The following ACTR3C variants were observed in gnomAD, a reference collection of about 807,000 sequenced individuals.
ACTR3C encodes the protein actin-related protein 3C.
In ACTR3C, 18 loss-of-function variants were observed where a neutral mutation model predicts 26.3. The observed-to-expected ratio is 0.68, with a 90% CI of 0.47 to 1.01. ACTR3C has a LOEUF of 1.01. Among genes scored for constraint, ACTR3C ranks in the 50% least tolerant of loss-of-function variants. The pLI, the probability that ACTR3C is intolerant of heterozygous loss-of-function variation, is 0.00. For synonymous variants in ACTR3C, 55 were observed against 94.5 expected, an observed-to-expected ratio of 0.58 and a Z score of 2.42; for missense variants, 184 against 250.7, an observed-to-expected ratio of 0.73 and a Z score of 1.80.
At chr7:149,921,826 G>A in the ACTR3C span, among the ~76,000 whole-genome samples, 3 of 151,920 alleles carry the variant, frequency 2.0e-5, no homozygotes, top group Non-Finnish European at 4.4e-5. Context: ...GCAGTAAGCC[G>A]AGATCAAGCC....
the ACTR3C span, among the ~76,000 whole-genome samples, chr7:149,904,454 C>A: frequency 6.6e-6 from 1 of 150,712 alleles, no homozygotes; most frequent in Non-Finnish European, 1.5e-5. Flanking sequence ...TCGCTTGAAC[C>A]CGGGAGGCAG....
chr7:149,987,194 G>GAA, the ACTR3C span, among the ~76,000 whole-genome samples: 205 of 150,508 alleles, frequency 1.4e-3, no homozygotes, highest in African/African-American at 4.1e-3. Context: ...CCTACCAGAG[G>GAA]AAAAAAAAAT....
chr7:150,160,432 A>C, the ACTR3C span, among the ~76,000 whole-genome samples: 2 of 152,136 alleles, frequency 1.3e-5, no homozygotes, highest in African/African-American at 4.8e-5. Flanking sequence ...TCACCCACAC[A>C]ACAGCACTAG....
chr7:150,183,244 A>G, the ACTR3C span, among the ~76,000 whole-genome samples: 1 of 149,120 alleles, frequency 6.7e-6, no homozygotes, highest in Non-Finnish European at 1.5e-5. Flanking sequence ...ACTGTGTTCC[A>G]GGTATAGCAT....
chr7:150,168,935 C>T, the ACTR3C span, among the ~76,000 whole-genome samples: 3 of 150,720 alleles, frequency 2.0e-5, no homozygotes, highest in Non-Finnish European at 2.9e-5. Context: ...TGGATGCTAT[C>T]GGCTGAATTT....
chr7:150,089,055 T>C, the ACTR3C span, among the ~76,000 whole-genome samples: 1 of 152,192 alleles, frequency 6.6e-6, no homozygotes, highest in South Asian at 2.1e-4. Context: ...CATAATAATA[T>C]GCAAAATTGA....
At chr7:150,135,051 C>T in the ACTR3C span, among the ~76,000 whole-genome samples, 10 of 152,242 alleles carry the variant, frequency 6.6e-5, no homozygotes, top group Non-Finnish European at 1.3e-4. Flanking sequence ...GTCTCGGCCT[C>T]GCAAAGTGCT....
At chr7:150,150,487 C>A in the ACTR3C span, among the ~76,000 whole-genome samples, 1 of 150,158 alleles carries the variant, frequency 6.7e-6, no homozygotes, top group African/African-American at 2.4e-5. Context: ...CTGCTCCATG[C>A]AGAGGGGTGT....
At chr7:150,262,567 C>A (rs1398616931) in intron 6 of ACTR3C, among the ~76,000 whole-genome samples, 2 of 152,152 alleles carry the variant, frequency 1.3e-5, no homozygotes, top group African/African-American at 4.8e-5. Context: ...ATTTTAGGCA[C>A]ATAAACTTAT....
the ACTR3C span, among the ~76,000 whole-genome samples, chr7:150,114,086 T>G: frequency 6.6e-6 from 1 of 152,216 alleles, no homozygotes; most frequent in Non-Finnish European, 1.5e-5. Context: ...TTACATGTAA[T>G]TTTTAGTATA....
chr7:150,039,418 T>TAATCCCACGTAAGTTA, the ACTR3C span, among the ~76,000 whole-genome samples: 4 of 41,762 alleles, frequency 9.6e-5, no homozygotes, highest in Admixed American at 2.5e-4. Flanking sequence ...TGGCTCTCAG[T>TAATCCCACGTAAGTTA]CCCTGCCTCG....
chr7:149,991,554 C>G, the ACTR3C span, among the ~76,000 whole-genome samples: 1 of 152,146 alleles, frequency 6.6e-6, no homozygotes, highest in Admixed American at 6.5e-5. Flanking sequence ...TATCAGCACA[C>G]TTTTCATTTT....
the ACTR3C span, among the ~76,000 whole-genome samples, chr7:149,885,809 C>T: frequency 2.6e-5 from 4 of 152,240 alleles, no homozygotes; most frequent in African/African-American, 4.8e-5. Context: ...GGCCCTTGGC[C>T]GGCAGCAATT....
the ACTR3C span, among the ~76,000 whole-genome samples, chr7:150,129,594 C>A: frequency 6.6e-6 from 1 of 152,084 alleles, no homozygotes; most frequent in Non-Finnish European, 1.5e-5. Flanking sequence ...TGTATACTAA[C>A]AATTGGAAAT....
chr7:150,173,859 A>G, the ACTR3C span, among the ~76,000 whole-genome samples: 3 of 148,354 alleles, frequency 2.0e-5, no homozygotes, highest in Non-Finnish European at 4.4e-5. Context: ...CAGGGGCAAA[A>G]TGCCACCAGT....
the ACTR3C span, among the ~76,000 whole-genome samples, chr7:150,184,022 C>T: frequency 2.0e-5 from 3 of 150,786 alleles, no homozygotes; most frequent in African/African-American, 7.5e-5. Context: ...ACCTCCCCAG[C>T]CATGTGGAAC....
intron 6 of ACTR3C, among the ~76,000 whole-genome samples, chr7:150,258,791 T>C (rs1833418235): frequency 6.6e-6 from 1 of 150,668 alleles, no homozygotes. Flanking sequence ...GGGTGATCCC[T>C]GTTATGTCTC....
chr7:150,036,196 G>T, the ACTR3C span, among the ~76,000 whole-genome samples: 1 of 146,330 alleles, frequency 6.8e-6, no homozygotes. Flanking sequence ...GAGCCAGGGG[G>T]GAAGAGGGGA....
At chr7:149,957,148 G>A in the ACTR3C span, among the ~76,000 whole-genome samples, 2 of 152,162 alleles carry the variant, frequency 1.3e-5, no homozygotes, top group Non-Finnish European at 2.9e-5. Flanking sequence ...TAGCTGGAAG[G>A]TGGATGGTAC....
Sources: allele counts gnomAD v4.1 joint callset (sites outside exome capture counted in the v4.1 genomes callset), GRCh38; gene constraint gnomAD v4.1.1; transcripts MANE v1.5; gene names NCBI Gene and HGNC (gene_info 2026-07-23, HGNC 2026-07-21).